MCF2L2: variants seen among roughly 807,000 people sequenced by gnomAD.
MCF2L2 encodes the protein probable guanine nucleotide exchange factor MCF2L2.
MCF2L2 carries 102 observed loss-of-function variants against 150.2 expected under a neutral mutation model. The observed-to-expected ratio is 0.68, with a 90% CI of 0.58 to 0.80. The LOEUF (loss-of-function observed/expected upper bound fraction) is 0.80. Among genes scored for constraint, MCF2L2 ranks in the 30% least tolerant of loss-of-function variants. The pLI is 0.00. For synonymous variants in MCF2L2, 465 were observed against 491.3 expected (o/e 0.95, Z 0.71); for missense variants, 1,256 against 1,372.8 (o/e 0.91, Z 1.34).
At chr3:183,313,919 C>T (rs970339105) in intron 7 of MCF2L2, among the ~76,000 whole-genome samples, 1 of 152,170 alleles carries the variant, frequency 6.6e-6, no homozygotes, top group Non-Finnish European at 1.5e-5. Context: ...AACTGGCAGA[C>T]GAGGTGGAGG....
chr3:183,270,914 T>C lies in MCF2L2; in HGVS notation c.1862+5958A>G. ...AAATTAGCTATGTGGACACATACCC[T>C]TGTAGGGCTGCGTTTATCTAATAGT... is the stretch of plus-strand genomic sequence containing the variant. On this transcript the variant is annotated intron_variant, in intron 15 of 29. Coordinates refer to ENST00000328913, the MANE Select transcript of MCF2L2 (RefSeq NM_015078.4). The surrounding 1 kb of genome is among the most constrained non-coding windows in gnomAD (Gnocchi z 4.5). The C allele has an allele frequency of 6.3e-7, 1 of 1,587,980 alleles. No homozygotes were observed. The highest frequency in any genetic ancestry group is 1.2e-5 in the South Asian group (1 of 86,278).
intron 7 of MCF2L2, among the ~76,000 whole-genome samples, chr3:183,315,922 G>A (rs978439413): frequency 7.9e-5 from 12 of 152,186 alleles, no homozygotes; most frequent in South Asian, 2.1e-4. Flanking sequence ...TTGTCATCCC[G>A]GTGCTTCTGC....
intron 15 of MCF2L2, chr3:183,254,562 C>G (rs1454462690): frequency 6.6e-6 from 1 of 152,158 alleles, no homozygotes; most frequent in Non-Finnish European, 1.5e-5. Flanking sequence ...CTGCGGGTCC[C>G]CGTCCCTGAG....
intron 2 of MCF2L2, among the ~76,000 whole-genome samples, chr3:183,388,092 T>C (rs540086899): frequency 2.6e-5 from 4 of 152,276 alleles, no homozygotes; most frequent in East Asian, 3.9e-4. Flanking sequence ...TTTTTTTCTA[T>C]ATTGCCTCTA....
chr3:183,422,194 T>A (rs1013953539), intron 1 of MCF2L2, among the ~76,000 whole-genome samples: 17 of 152,248 alleles, frequency 1.1e-4, no homozygotes, highest in African/African-American at 4.1e-4. Flanking sequence ...CAAGCTGGCC[T>A]ATGGTTTAGC....
intron 21 of MCF2L2, among the ~76,000 whole-genome samples, chr3:183,219,117 ACT>A (rs1560349123): frequency 6.6e-6 from 1 of 152,166 alleles, no homozygotes; most frequent in East Asian, 1.9e-4. Context: ...ACTTTGGCAG[ACT>A]CTTAGAGTTC....
At chr3:183,331,128 T>A (rs926622733) in intron 5 of MCF2L2, among the ~76,000 whole-genome samples, 1 of 152,184 alleles carries the variant, frequency 6.6e-6, no homozygotes, top group African/African-American at 2.4e-5. Flanking sequence ...TACCTTGCCC[T>A]AAGTCATCCC....
chr3:183,191,985 C>T (rs1367823665), intron 27 of MCF2L2, among the ~76,000 whole-genome samples: 32 of 150,682 alleles, frequency 2.1e-4, no homozygotes, highest in African/African-American at 6.3e-4. Flanking sequence ...GGACTACAGG[C>T]GCCCACCACC....
At chr3:183,245,748 T>C (rs753840557) in intron 15 of MCF2L2, among the ~76,000 whole-genome samples, 6 of 152,188 alleles carry the variant, frequency 3.9e-5, no homozygotes, top group African/African-American at 1.4e-4. Context: ...CACAAAGCAC[T>C]ATAGACCCAT....
rs1729979121 is a variant in MCF2L2 at position 183,325,290 on chromosome 3, C to T, written c.487-1939G>A. Among the ~76,000 whole-genome samples the T allele has an allele frequency of 3.9e-5, 6 of 151,934 alleles. No homozygotes were observed. The South Asian group carries it at 1.0e-3, about 26-fold the overall frequency. On this transcript the variant is annotated intron_variant, in intron 5 of 29. Transcript: ENST00000328913. ...AATAATAATAAAAGAAAAAAAAGTG[C>T]CAGGTACTGGGGGATAATAAGGTAA...
At chr3:183,229,597 A>G in intron 17 of MCF2L2, 69 bp downstream of exon 17, 1 of 726,386 alleles carries the variant, frequency 1.4e-6, no homozygotes, top group Non-Finnish European at 2.3e-6. Context: ...TCATCTCTCA[A>G]TTCCATCAGT....
Position 183,425,788 on chromosome 3 carries a change from C to T in MCF2L2, c.76+2114G>A, listed in dbSNP as rs564507110. ...ACCAACATGGAGAAACCCGTCTCTA[C>T]TAAAAATACAAAAAAAATTAGCCGG... On this transcript the variant is annotated intron_variant, in intron 1 of 29. Coordinates refer to ENST00000328913, the MANE Select transcript of MCF2L2 (RefSeq NM_015078.4). Among the ~76,000 whole-genome samples, 5 of 152,200 alleles carry T rather than the reference C, an allele frequency of 3.3e-5. No individual in the cohort carries two copies. In the South Asian group the frequency reaches 6.2e-4, roughly 19 times the overall value.
At chr3:183,251,085 T>A (rs1724499633) in intron 15 of MCF2L2, among the ~76,000 whole-genome samples, 1 of 152,110 alleles carries the variant, frequency 6.6e-6, no homozygotes. Context: ...AACCAGAGTC[T>A]CTCTAACAGC....
intron 18 of MCF2L2, chr3:183,225,160 C>T (rs940605704): frequency 1.3e-5 from 2 of 152,320 alleles, no homozygotes; most frequent in African/African-American, 4.8e-5. Context: ...CTGTTCTACT[C>T]CCAAATACAT....
intron 14 of MCF2L2, among the ~76,000 whole-genome samples, chr3:183,284,698 T>C (rs1357332672): frequency 6.8e-6 from 1 of 147,900 alleles, no homozygotes; most frequent in Non-Finnish European, 1.5e-5. Context: ...TGAGACTCTG[T>C]CTCCAAAAAA....
intron 2 of MCF2L2, among the ~76,000 whole-genome samples, chr3:183,384,965 T>C (rs1230159430): frequency 1.3e-5 from 2 of 152,114 alleles, no homozygotes; most frequent in African/African-American, 4.8e-5. Context: ...ACTGAGAACC[T>C]TCCCTCTCAC....
Position 183,224,109 on chromosome 3 carries a change from C to T in MCF2L2, c.2197G>A (p.Ala733Thr), listed in dbSNP as rs145194746. 1.1e-4 allele frequency: 178 copies of T among 1,613,260 alleles called. 1 individual carries two copies. Among genetic ancestry groups the T allele is most frequent in the Middle Eastern group, 9.9e-4 (6 of 6,060 alleles). The change falls in exon 19 of 30, where the codon GCC (alanine) becomes ACC (threonine). Residue 733 changes from alanine (A) to threonine (T), a missense_variant. Coordinates refer to ENST00000328913, the MANE Select transcript of MCF2L2 (RefSeq NM_015078.4). ...RAIWQECQDC[A>T]YFGVCQRQLD... The stretch of plus-strand genomic sequence containing the variant: ...CTTCTCAACATTACCCCAAAGTAGG[C>T]GCAGTCTTGACACTCTTGCCAGATT...
intron 1 of MCF2L2, among the ~76,000 whole-genome samples, chr3:183,409,013 T>C (rs886679259): frequency 7.2e-5 from 11 of 152,264 alleles, no homozygotes; most frequent in Admixed American, 1.3e-4. Context: ...ACTCTAGTGC[T>C]TAGCATGGGA....
At chr3:183,302,624 C>T (rs1728909725) in intron 10 of MCF2L2, among the ~76,000 whole-genome samples, 1 of 152,064 alleles carries the variant, frequency 6.6e-6, no homozygotes, top group Non-Finnish European at 1.5e-5. Context: ...CAGGGAGACT[C>T]ATTAAGGGGC....
Sources: gnomAD v4.1 joint callset for allele counts (sites outside exome capture counted in the v4.1 genomes callset) on GRCh38, gnomAD v4.1.1 for gene constraint, Gnocchi (gnomAD v3.1) non-coding constraint, MANE v1.5 for transcripts, NCBI Gene and HGNC (gene_info 2026-07-23, HGNC 2026-07-21) for gene names.